AUTS2: variants seen among roughly 807,000 people sequenced by gnomAD.
AUTS2 encodes autism susceptibility gene 2 protein.
A neutral mutation model predicts 112.4 loss-of-function variants in AUTS2; 17 were observed. The ratio of observed to expected loss-of-function variants is 0.15; its 90% CI spans 0.10 to 0.23. The LOEUF (loss-of-function observed/expected upper bound fraction) is 0.23. Among genes scored for constraint, AUTS2 ranks in the 10% least tolerant of loss-of-function variants. The pLI, the probability that AUTS2 is intolerant of heterozygous loss-of-function variation, is 1.00. For synonymous variants in AUTS2, 751 were observed against 702.7 expected (o/e 1.07, Z -1.09); for missense variants, 1,510 against 1,701.6 (o/e 0.89, Z 1.98).
Position 70,106,537 on chromosome 7 carries a change from TG to T in AUTS2, c.523-11593del, listed in dbSNP as rs1281667653. On this transcript the variant is annotated intron_variant, in intron 2 of 18. Transcript: ENST00000342771. ...GAATTCGAGACCAGCCTTGGTAACG[TG>T]GCAAAATCTTGTCTCTCAAAAAAAT... is the stretch of plus-strand genomic sequence containing the variant. 4.6e-5 allele frequency among the ~76,000 whole-genome samples: 7 copies of T among 152,260 alleles called. No homozygotes were observed. In the East Asian group the frequency reaches 1.2e-3, roughly 25 times the overall value.
chr7:69,894,429 T>A (rs138752950), intron 1 of AUTS2, among the ~76,000 whole-genome samples: 1 of 152,062 alleles, frequency 6.6e-6, no homozygotes, highest in South Asian at 2.1e-4. Context: ...AAGAAAAGCA[T>A]ATGGATTTTG....
chr7:69,610,061 G>T (rs1035186344), intron 1 of AUTS2, among the ~76,000 whole-genome samples: 1 of 152,194 alleles, frequency 6.6e-6, no homozygotes, highest in Non-Finnish European at 1.5e-5. Flanking sequence ...TGGTTGCAGA[G>T]AACCCAACTA....
chr7:70,372,357 C>T (rs572792339), intron 4 of AUTS2, among the ~76,000 whole-genome samples: 6 of 152,160 alleles, frequency 3.9e-5, no homozygotes, highest in African/African-American at 7.2e-5. Flanking sequence ...TTAGGGAACC[C>T]GTATTTTTGT....
At chr7:70,000,086 C>A (rs1799117275) in intron 2 of AUTS2, among the ~76,000 whole-genome samples, 1 of 152,318 alleles carries the variant, frequency 6.6e-6, no homozygotes, top group Non-Finnish European at 1.5e-5. Context: ...CACAAACATG[C>A]AAGATTCACA....
At chr7:70,380,934 T>G (rs1411010977) in intron 4 of AUTS2, among the ~76,000 whole-genome samples, 1 of 152,204 alleles carries the variant, frequency 6.6e-6, no homozygotes, top group Non-Finnish European at 1.5e-5. Flanking sequence ...AAAAAACGAA[T>G]TAAGTAGTTT....
chr7:70,556,606 G>GATACTTCTTATAACCATCCCCTA (rs1474336326), intron 5 of AUTS2, among the ~76,000 whole-genome samples: 1 of 152,112 alleles, frequency 6.6e-6, no homozygotes. Context: ...CACCCCTTGA[G>GATACTTCTTATAACCATCCCCTA]ATACTTCTTA....
chr7:70,230,870 T>C (rs989125266), intron 4 of AUTS2, among the ~76,000 whole-genome samples: 3 of 152,220 alleles, frequency 2.0e-5, no homozygotes, highest in Admixed American at 6.5e-5. Flanking sequence ...CAATACCCTT[T>C]GTCATAGAAT....
chr7:69,988,722 T>C (rs1195144488), intron 2 of AUTS2, among the ~76,000 whole-genome samples: 2 of 152,192 alleles, frequency 1.3e-5, no homozygotes, highest in East Asian at 3.8e-4. Context: ...AGGGAAATAA[T>C]TGGTCAGCTT....
At chr7:69,966,183 A>G (rs1296311431) in intron 2 of AUTS2, among the ~76,000 whole-genome samples, 2 of 152,200 alleles carry the variant, frequency 1.3e-5, no homozygotes, top group Non-Finnish European at 2.9e-5. Flanking sequence ...TGGCTCAGGA[A>G]AGCCTGATGT....
Position 69,886,702 on chromosome 7 carries a change from A to T in AUTS2, c.310-12584A>T, listed in dbSNP as rs577274878. On this transcript the variant is annotated intron_variant, in intron 1 of 18. Coordinates refer to ENST00000342771, the MANE Select transcript of AUTS2 (RefSeq NM_015570.4). ...CCCTGCCTCTAGAACAATGCAACCA[A>T]CCTTAACCAAAGTCACATATCAAGA... 2.0e-5 allele frequency among the ~76,000 whole-genome samples: 3 copies of T among 151,496 alleles called. No individual in the cohort carries two copies. The East Asian group carries it at 5.8e-4, about 30-fold the overall frequency.
intron 5 of AUTS2, among the ~76,000 whole-genome samples, chr7:70,579,931 T>TA (rs1430106160): frequency 6.6e-6 from 1 of 152,166 alleles, no homozygotes; most frequent in Non-Finnish European, 1.5e-5. Flanking sequence ...AGCAGGAAGA[T>TA]AGAGGATGAC....
intron 2 of AUTS2, among the ~76,000 whole-genome samples, chr7:69,927,345 A>G (rs1402708217): frequency 6.6e-6 from 1 of 151,714 alleles, no homozygotes; most frequent in Non-Finnish European, 1.5e-5. Context: ...TGTCGATGAC[A>G]TGAGTTTTAC....
intron 7 of AUTS2, among the ~76,000 whole-genome samples, chr7:70,764,477 G>T (rs997076742): frequency 3.3e-5 from 5 of 152,148 alleles, no homozygotes; most frequent in Non-Finnish European, 7.3e-5. Flanking sequence ...AGCGAGAGAG[G>T]CCCTGAGGTT....
intron 5 of AUTS2, among the ~76,000 whole-genome samples, chr7:70,597,843 C>T (rs1371606180): frequency 1.3e-5 from 2 of 152,086 alleles, no homozygotes; most frequent in African/African-American, 2.4e-5. Flanking sequence ...ATATTTATGC[C>T]ACTCTGTACC....
In AUTS2 at chr7:70,661,799, T is replaced by C. The variant is rs549348134; in HGVS notation, c.691-36770T>C. ...GGCTGTGTTGCACGAGCAGGGCCTC[T>C]GCACAGGCCCAGCACTGACCTCAGG... On this transcript the variant is annotated intron_variant, in intron 5 of 18. Transcript: ENST00000342771. Among the ~76,000 whole-genome samples, 154 of 152,248 alleles carry C rather than the reference T, an allele frequency of 1.0e-3. 1 individual carries two copies. The highest frequency in any genetic ancestry group is 3.7e-3 in the African/African-American group (152 of 41,530).
At chr7:69,659,134 G>T (rs1414441696) in intron 1 of AUTS2, among the ~76,000 whole-genome samples, 1 of 152,218 alleles carries the variant, frequency 6.6e-6, no homozygotes, top group Non-Finnish European at 1.5e-5. Context: ...AAACAGGGGA[G>T]TTGGAGGGCA....
At chr7:69,749,687 A>G (rs1787654752) in intron 1 of AUTS2, among the ~76,000 whole-genome samples, 4 of 152,208 alleles carry the variant, frequency 2.6e-5, no homozygotes. Flanking sequence ...CCGCTCCTGC[A>G]CTGCTTAAGT....
chr7:69,683,710 T>A (rs1796924271), intron 1 of AUTS2, among the ~76,000 whole-genome samples: 1 of 151,880 alleles, frequency 6.6e-6, no homozygotes, highest in Non-Finnish European at 1.5e-5. Flanking sequence ...CAGCCTGGCC[T>A]GTTACATAGT....
chr7:70,540,746 G>T (rs1800521157), intron 5 of AUTS2, among the ~76,000 whole-genome samples: 2 of 152,146 alleles, frequency 1.3e-5, no homozygotes, highest in African/African-American at 4.8e-5. Flanking sequence ...AATCCTGACT[G>T]GTACAACTGC....
Sources: gnomAD v4.1 joint callset for allele counts (sites outside exome capture counted in the v4.1 genomes callset) on GRCh38, gnomAD v4.1.1 for gene constraint, MANE v1.5 for transcripts, NCBI Gene and HGNC (gene_info 2026-07-23, HGNC 2026-07-21) for gene names.